MAPK10: variants seen among roughly 807,000 people sequenced by gnomAD.
MAPK10 encodes JNK3 alpha protein kinase.
MAPK10 carries 25 observed loss-of-function variants against 59.3 expected under a neutral mutation model. The ratio of observed to expected loss-of-function variants is 0.42; its 90% confidence interval spans 0.31 to 0.59. MAPK10 has a LOEUF of 0.59. MAPK10 is among the 20% of genes least tolerant of loss of function. The pLI, the probability that MAPK10 is intolerant of heterozygous loss-of-function variation, is 0.15. For missense variants in MAPK10, 351 were observed against 568.9 expected, an observed-to-expected ratio of 0.62 and a Z score of 3.90; for synonymous variants, 190 against 200.5, an observed-to-expected ratio of 0.95 and a Z score of 0.44.
chr4:86,058,405 A>C (rs183872135), intron 11 of MAPK10, among the ~76,000 whole-genome samples: 13 of 149,484 alleles, frequency 8.7e-5, no homozygotes, highest in Middle Eastern at 3.4e-3. Context: ...CATATTTCCC[A>C]GATTTGTCTG....
chr4:86,482,551 G>A (rs1329841664), intron 1 of MAPK10, among the ~76,000 whole-genome samples: 11 of 152,106 alleles, frequency 7.2e-5, no homozygotes, highest in Admixed American at 5.9e-4. Context: ...AGCTCCTGCC[G>A]TTGTGAAAAA....
At chr4:86,489,203 C>T (rs1754267484) in intron 1 of MAPK10, among the ~76,000 whole-genome samples, 1 of 152,216 alleles carries the variant, frequency 6.6e-6, no homozygotes, top group Non-Finnish European at 1.5e-5. Flanking sequence ...ACAACCACCA[C>T]ACTGATCCCA....
intron 1 of MAPK10, among the ~76,000 whole-genome samples, chr4:86,464,502 A>T (rs567208083): frequency 2.6e-5 from 4 of 152,240 alleles, no homozygotes; most frequent in Non-Finnish European, 4.4e-5. Context: ...TTCTTTACTC[A>T]ATTGCAAACA....
At chr4:86,213,793 AAAG>A (rs1218215834) in intron 2 of MAPK10, among the ~76,000 whole-genome samples, 1 of 152,118 alleles carries the variant, frequency 6.6e-6, no homozygotes, top group Non-Finnish European at 1.5e-5. Flanking sequence ...TCTACCATAC[AAAG>A]AAGAACTAAC....
chr4:86,019,620 G>T (rs1745312181), intron 13 of MAPK10, among the ~76,000 whole-genome samples: 1 of 152,052 alleles, frequency 6.6e-6, no homozygotes, highest in African/African-American at 2.4e-5. Context: ...CCCGATTCTG[G>T]ATTAAATTAT....
chr4:86,012,536 A>C lies in MAPK10; in HGVS notation c.*4692T>G, dbSNP rs1183976068. The C allele has an allele frequency of 7.2e-5, 11 of 152,230 alleles. No individual in the cohort carries two copies. Among genetic ancestry groups the C allele is most frequent in the Admixed American group, 7.2e-4 (11 of 15,280 alleles). 9.4% of individuals were successfully genotyped at this position (152,230 alleles called of 1,614,324 possible). A position where few individuals can be genotyped will look rare whatever the true frequency, so the allele number is the denominator to read the frequency against. On this transcript the variant is annotated 3_prime_UTR_variant, in exon 14 of 14. Coordinates refer to ENST00000641462, the MANE Select transcript of MAPK10 (RefSeq NM_138982.4). ...GATTTTAATAATCCATAAGAAACAG[A>C]AATCATAATATATTGACTCCATATT...
chr4:86,428,650 G>C (rs1332793105), intron 1 of MAPK10, among the ~76,000 whole-genome samples: 1 of 152,130 alleles, frequency 6.6e-6, no homozygotes, highest in Non-Finnish European at 1.5e-5. Context: ...CCTCTGCCTT[G>C]AGAAAAGTGC....
intron 1 of MAPK10, among the ~76,000 whole-genome samples, chr4:86,489,646 T>A (rs1219909015): frequency 2.0e-5 from 3 of 152,152 alleles, no homozygotes; most frequent in Non-Finnish European, 4.4e-5. Flanking sequence ...AATTCATGGG[T>A]TTGTCCCTTT....
chr4:86,380,659 C>A (rs1740556991), intron 1 of MAPK10, among the ~76,000 whole-genome samples: 1 of 152,084 alleles, frequency 6.6e-6, no homozygotes, highest in South Asian at 2.1e-4. Flanking sequence ...TGTATAAAAT[C>A]TGTAAAGCAA....
chr4:86,350,260 G>C (rs1730553895), intron 2 of MAPK10, among the ~76,000 whole-genome samples: 1 of 151,646 alleles, frequency 6.6e-6, no homozygotes, highest in East Asian at 1.9e-4. Flanking sequence ...TGTCGCCCAG[G>C]CTGGAGTGCA....
At chr4:86,032,526 A>G (rs1037840560) in intron 11 of MAPK10, 3 of 152,214 alleles carry the variant, frequency 2.0e-5, no homozygotes, top group Non-Finnish European at 4.4e-5. Context: ...AATAAGAGTG[A>G]TGCAACCCCT....
chr4:86,208,150 T>C (rs1489920072), intron 2 of MAPK10, among the ~76,000 whole-genome samples: 1 of 152,116 alleles, frequency 6.6e-6, no homozygotes, highest in Admixed American at 6.6e-5. Flanking sequence ...AGCCGAATTC[T>C]ATCAGAGGTA....
intron 1 of MAPK10, among the ~76,000 whole-genome samples, chr4:86,560,591 G>A (rs1285841914): frequency 2.6e-5 from 4 of 152,136 alleles, no homozygotes; most frequent in Non-Finnish European, 5.9e-5. Context: ...TCGCCACTGG[G>A]GCTAAGCACC....
At chr4:86,031,289 G>GT in intron 12 of MAPK10, 79 bp downstream of exon 12, 1 of 1,020,604 alleles carries the variant, frequency 9.8e-7, no homozygotes, top group Non-Finnish European at 1.5e-6. Flanking sequence ...TTAGTAAATT[G>GT]TTTTACAAGG....
intron 9 of MAPK10, among the ~76,000 whole-genome samples, chr4:86,076,570 A>G (rs114094742): frequency 0.024 from 3,706 of 152,326 alleles, 152 homozygotes; most frequent in African/African-American, 0.084. Flanking sequence ...TAATTTGGCC[A>G]TAAAGTTAAT....
intron 2 of MAPK10, among the ~76,000 whole-genome samples, chr4:86,265,435 G>A (rs906682967): frequency 2.0e-5 from 3 of 151,684 alleles, no homozygotes; most frequent in Non-Finnish European, 2.9e-5. Context: ...CTTAAACCTG[G>A]GAGGCGGAGG....
At chr4:86,331,925 G>C (rs1471123681) in intron 2 of MAPK10, among the ~76,000 whole-genome samples, 2 of 152,084 alleles carry the variant, frequency 1.3e-5, no homozygotes, top group Non-Finnish European at 2.9e-5. Flanking sequence ...AGCTGCTTTT[G>C]CTTATACTTT....
In MAPK10 at chr4:86,117,765, T is replaced by C. The variant is rs1214741929; in HGVS notation, c.237-10413A>G. 3.9e-5 allele frequency: 6 copies of C among 152,192 alleles called. No individual in the cohort carries two copies. In the East Asian group the frequency reaches 1.2e-3, roughly 29 times the overall value. The allele number at this position is 152,192 out of a possible 1,614,324, so 9.4% of individuals were successfully genotyped here. ...TGAGGTTTTCTTCCAAAGCAATAATTCATGTCATTCTCTAGATTCCTGGTT... is the reference window on the plus strand; with the variant it reads ...TGAGGTTTTCTTCCAAAGCAATAATCCATGTCATTCTCTAGATTCCTGGTT... On this transcript the variant is annotated intron_variant, in intron 4 of 13. Coordinates refer to ENST00000641462, the MANE Select transcript of MAPK10 (RefSeq NM_138982.4).
chr4:86,415,355 CT>C (rs1745732525), intron 1 of MAPK10, among the ~76,000 whole-genome samples: 1 of 152,038 alleles, frequency 6.6e-6, no homozygotes, highest in Admixed American at 6.6e-5. Context: ...TGTTTTTTGC[CT>C]CGTGACTTCA....
Sources: allele counts gnomAD v4.1 joint callset (sites outside exome capture counted in the v4.1 genomes callset), GRCh38; gene constraint gnomAD v4.1.1; transcripts MANE v1.5; gene names NCBI Gene and HGNC (gene_info 2026-07-23, HGNC 2026-07-21).